CES5A: variants seen among roughly 807,000 people sequenced by gnomAD.
The protein encoded by CES5A is carboxylesterase 5A.
Under a neutral mutation model 62.9 loss-of-function variants are expected in CES5A, and 67 were observed. The observed-to-expected ratio is 1.07, with a 90% confidence interval of 0.88 to 1.31. The LOEUF is 1.31. Ranked by LOEUF, CES5A falls within the 50% of genes most tolerant of loss-of-function variation. CES5A has a pLI of 0.00. For missense variants in CES5A, 748 were observed against 708.5 expected (o/e 1.06, Z -0.63); for synonymous variants, 296 against 280.8 (o/e 1.05, Z -0.54).
At chr16:55,927,040 T>G (rs920245350), upstream of CES5A, among the ~76,000 whole-genome samples, 2 of 152,196 alleles carry the variant, frequency 1.3e-5, no homozygotes, top group African/African-American at 4.8e-5. Flanking sequence ...GATAGCCACA[T>G]GTAGAAGAAT....
chr16:55,912,062 A>ATC (rs1363079215), intron 1 of CES5A, among the ~76,000 whole-genome samples: 2 of 152,182 alleles, frequency 1.3e-5, no homozygotes, highest in African/African-American at 4.8e-5. Context: ...CTGTCAGCTC[A>ATC]CAGGCCTTGT....
intron 8 of CES5A, among the ~76,000 whole-genome samples, chr16:55,859,000 T>C (rs762017799): frequency 2.6e-4 from 39 of 152,192 alleles, no homozygotes; most frequent in Non-Finnish European, 4.7e-4. Context: ...GTCTTATCTG[T>C]CTCTCCCCAC....
At chr16:55,876,583 G>A (rs113941771), upstream of CES5A, among the ~76,000 whole-genome samples, 1,391 of 152,312 alleles carry the variant, frequency 9.1e-3, 14 homozygotes, top group Non-Finnish European at 0.013. Flanking sequence ...GGGATACAGC[G>A]ATGAGGTAAA....
intron 1 of CES5A, among the ~76,000 whole-genome samples, chr16:55,880,973 T>C (rs926966196): frequency 6.6e-6 from 1 of 152,200 alleles, no homozygotes; most frequent in Non-Finnish European, 1.5e-5. Flanking sequence ...GTTGAGCCTA[T>C]AGCCTTGAAA....
chr16:55,873,648 G>C (rs141844515), intron 2 of CES5A, among the ~76,000 whole-genome samples, 185 bp downstream of exon 2: 2 of 152,222 alleles, frequency 1.3e-5, no homozygotes, highest in African/African-American at 4.8e-5. Context: ...GATGCCTCCA[G>C]TGACCTGGCC....
At chr16:55,846,875 G>A in intron 11 of CES5A, 35 bp from the exon 12 acceptor site, 15 of 1,588,972 alleles carry the variant, frequency 9.4e-6, no homozygotes, top group Non-Finnish European at 1.3e-5. Context: ...TGCTGCTCTG[G>A]GTGAGGCTCG....
intron 1 of CES5A, among the ~76,000 whole-genome samples, chr16:55,884,623 G>T (rs1350474626): frequency 1.3e-5 from 2 of 151,720 alleles, no homozygotes; most frequent in Non-Finnish European, 2.9e-5. Context: ...ACAGGGTCTC[G>T]CTGTGTTGCC....
chr16:55,907,094 G>C (rs1167615383), intron 1 of CES5A, among the ~76,000 whole-genome samples: 1 of 152,222 alleles, frequency 6.6e-6, no homozygotes, highest in Non-Finnish European at 1.5e-5. Flanking sequence ...TGATGATGAT[G>C]ATGACGATGA....
chr16:55,879,741 C>A (rs892367570), upstream of CES5A, among the ~76,000 whole-genome samples: 7 of 152,152 alleles, frequency 4.6e-5, no homozygotes, highest in Non-Finnish European at 7.3e-5. Context: ...CAGGTGCACA[C>A]CACCACACCT....
intron 1 of CES5A, among the ~76,000 whole-genome samples, chr16:55,900,091 C>CG (rs372327013): frequency 2.7e-5 from 3 of 111,330 alleles, no homozygotes; most frequent in Admixed American, 8.3e-5. Context: ...TGAATGCAGA[C>CG]CCCCCTTCAT....
intron 1 of CES5A, among the ~76,000 whole-genome samples, chr16:55,900,404 TGAG>T (rs1224692264): frequency 1.3e-5 from 2 of 152,068 alleles, no homozygotes; most frequent in African/African-American, 4.8e-5. Context: ...AAGAGGCATG[TGAG>T]GAGTACATTG....
At chr16:55,928,094 T>A (rs1395759253), upstream of CES5A, among the ~76,000 whole-genome samples, 5 of 151,718 alleles carry the variant, frequency 3.3e-5, no homozygotes, top group Non-Finnish European at 5.9e-5. Context: ...ATAGAAAAAA[T>A]TAGCTGGGCG....
chr16:55,872,344 C>T (rs1357379088), intron 2 of CES5A, among the ~76,000 whole-genome samples: 1 of 152,174 alleles, frequency 6.6e-6, no homozygotes, highest in African/African-American at 2.4e-5. Context: ...CTCCAACTTG[C>T]CACCTCCTCC....
At chr16:55,869,146 G>A (rs796970193) in intron 4 of CES5A, among the ~76,000 whole-genome samples, 2 of 152,332 alleles carry the variant, frequency 1.3e-5, no homozygotes, top group African/African-American at 2.4e-5. Context: ...CATGGCCCCA[G>A]CTCGCTTGCA....
At chr16:55,954,436 A>G (rs1489439176) in intron 1 of CES5A, among the ~76,000 whole-genome samples, 3 of 152,200 alleles carry the variant, frequency 2.0e-5, no homozygotes, top group Admixed American at 6.5e-5. Flanking sequence ...GAAGCTCAGG[A>G]GCGGGAGAGG....
At position 55,859,703 on chromosome 16, in the gene CES5A, A is replaced by G. The variant is rs762042893; in HGVS notation, c.916-16T>C. 1.3e-6 allele frequency: 2 copies of G among 1,592,836 alleles called. No homozygotes were observed. The highest frequency in any genetic ancestry group is 2.7e-5 in the African/African-American group (2 of 73,502). On this transcript the variant is annotated splice_polypyrimidine_tract_variant and intron_variant, in intron 7 of 12. Transcript: ENST00000290567. ...ACTTTGTTTTCTGTAATAAGGAAGA[A>G]AAAAAAATCATCAGCTATCATCAGC...
exon 1 of CES5A, chr16:55,955,985 A>T (rs768043276): frequency 9.6e-5 from 127 of 1,320,864 alleles, no homozygotes; most frequent in Non-Finnish European, 1.2e-4. Flanking sequence ...TACAGCTGAT[A>T]AAGAAAAGTC....
chr16:55,874,683 A>G (rs2033662174), intron 1 of CES5A, among the ~76,000 whole-genome samples: 1 of 152,210 alleles, frequency 6.6e-6, no homozygotes, highest in South Asian at 2.1e-4. Context: ...AGGAGCATAA[A>G]GATGGCACTT....
At chr16:55,921,330 G>A (rs756085250) in intron 1 of CES5A, among the ~76,000 whole-genome samples, 20 of 151,966 alleles carry the variant, frequency 1.3e-4, no homozygotes, top group African/African-American at 4.8e-4. Context: ...AACTCTCAAA[G>A]GTCAAGGACA....
Sources: gnomAD v4.1 joint callset for allele counts (sites outside exome capture counted in the v4.1 genomes callset) on GRCh38, gnomAD v4.1.1 for gene constraint, MANE v1.5 for transcripts, NCBI Gene and HGNC (gene_info 2026-07-23, HGNC 2026-07-21) for gene names.